ST8SIA1: variants seen among roughly 807,000 people sequenced by gnomAD.
The protein encoded by ST8SIA1 is alpha-N-acetylneuraminide alpha-2,8-sialyltransferase.
Under a neutral mutation model 35.9 loss-of-function variants are expected in ST8SIA1, and 16 were observed. That is an observed-to-expected ratio of 0.45 (90% CI 0.30 to 0.68). The LOEUF (loss-of-function observed/expected upper bound fraction) is 0.68, where lower values mean the gene tolerates loss of function less well. ST8SIA1 is among the 30% of genes least tolerant of loss of function. The pLI is 0.09. For synonymous variants in ST8SIA1, 170 were observed against 169.6 expected (o/e 1.00, Z -0.02); for missense variants, 383 against 453.6 (o/e 0.84, Z 1.41).
intron 4 of ST8SIA1, among the ~76,000 whole-genome samples, chr12:22,236,446 G>A (rs1023172151): frequency 6.6e-6 from 1 of 152,182 alleles, no homozygotes; most frequent in Non-Finnish European, 1.5e-5. Context: ...TTCTTTCACT[G>A]AAATTGCAAC....
At chr12:22,231,781 G>A (rs1295249809) in intron 4 of ST8SIA1, among the ~76,000 whole-genome samples, 1 of 152,048 alleles carries the variant, frequency 6.6e-6, no homozygotes, top group Admixed American at 6.6e-5. Flanking sequence ...CACCGTGTTA[G>A]CCAGGATGGT....
At chr12:22,213,095 G>A (rs546840746) in intron 4 of ST8SIA1, among the ~76,000 whole-genome samples, 1 of 152,126 alleles carries the variant, frequency 6.6e-6, no homozygotes, top group South Asian at 2.1e-4. Flanking sequence ...ACCCACCCCT[G>A]CCAGCCAGAA....
At chr12:22,233,096 T>C (rs77576923) in intron 4 of ST8SIA1, among the ~76,000 whole-genome samples, 77 of 152,210 alleles carry the variant, frequency 5.1e-4, no homozygotes, top group African/African-American at 1.8e-3. Context: ...GCACAATGAA[T>C]GAAATTAAGC....
At chr12:22,252,681 G>C (rs532923795) in intron 3 of ST8SIA1, among the ~76,000 whole-genome samples, 3 of 152,238 alleles carry the variant, frequency 2.0e-5, no homozygotes, top group African/African-American at 7.2e-5. Context: ...CATTAATTCT[G>C]AACTTGACTA....
At chr12:22,233,986 G>A (rs888601837) in intron 4 of ST8SIA1, among the ~76,000 whole-genome samples, 7 of 152,076 alleles carry the variant, frequency 4.6e-5, no homozygotes, top group Admixed American at 4.6e-4. Context: ...TTGGCTGGGT[G>A]CAGTGGCTCA....
At chr12:22,243,988 C>T (rs1865570587) in intron 4 of ST8SIA1, among the ~76,000 whole-genome samples, 1 of 151,950 alleles carries the variant, frequency 6.6e-6, no homozygotes. Flanking sequence ...CAAGATCGCA[C>T]CACTGTACTC....
intron 1 of ST8SIA1, among the ~76,000 whole-genome samples, chr12:22,304,334 C>CTTTTT (rs3063802): frequency 3.0e-4 from 32 of 106,226 alleles, no homozygotes; most frequent in Middle Eastern, 5.4e-3. Flanking sequence ...TTTTCTTTTT[C>CTTTTT]TTTTTTTTTT....
chr12:22,277,014 GTATGT>G (rs1865977200), intron 2 of ST8SIA1, among the ~76,000 whole-genome samples: 1 of 152,182 alleles, frequency 6.6e-6, no homozygotes, highest in Non-Finnish European at 1.5e-5. Flanking sequence ...ATCTTAGTAA[GTATGT>G]TATATCTCAG....
intron 1 of ST8SIA1, among the ~76,000 whole-genome samples, chr12:22,320,951 AAGAAAGAG>A (rs1565595813): frequency 5.1e-5 from 4 of 79,116 alleles, no homozygotes; most frequent in Admixed American, 1.3e-4. Context: ...GAAAGAAAGA[AAGAAAGAG>A]AAAGAAAGAA....
rs142951083 is a variant in ST8SIA1 at position 22,312,594 on chromosome 12, G to A, written c.236+21403C>T. Among the ~76,000 whole-genome samples, 3 of 152,060 alleles carry A rather than the reference G, an allele frequency of 2.0e-5. No homozygotes were observed. The East Asian group carries it at 5.8e-4, about 29-fold the overall frequency. On this transcript the variant is annotated intron_variant, in intron 1 of 4. Transcript: ENST00000396037. ...TGCATCATTAGTGTTATGGGGACTT[G>A]GCTACGATTTTCAATTGCTATTGCT...
chr12:22,219,246 T>C (rs980589766), intron 4 of ST8SIA1, among the ~76,000 whole-genome samples: 4 of 152,212 alleles, frequency 2.6e-5, no homozygotes, highest in Admixed American at 2.6e-4. Flanking sequence ...TAAATTACAC[T>C]GTGTTTTAAT....
At chr12:22,239,747 T>G (rs1002644641) in intron 4 of ST8SIA1, among the ~76,000 whole-genome samples, 6 of 152,218 alleles carry the variant, frequency 3.9e-5, no homozygotes, top group African/African-American at 1.4e-4. Flanking sequence ...GAACATAGTA[T>G]GTGAGAATTC....
At chr12:22,221,835 T>G (rs1014898630) in intron 4 of ST8SIA1, among the ~76,000 whole-genome samples, 2 of 152,242 alleles carry the variant, frequency 1.3e-5, no homozygotes, top group Non-Finnish European at 2.9e-5. Context: ...CATTTCTAAG[T>G]GTCCTCAGTT....
intron 4 of ST8SIA1, among the ~76,000 whole-genome samples, chr12:22,212,246 C>A (rs1865183697): frequency 6.6e-6 from 1 of 152,126 alleles, no homozygotes; most frequent in African/African-American, 2.4e-5. Context: ...TTAATTTGAA[C>A]ACTTCCTTTA....
rs1442518567 is a variant in ST8SIA1, at chr12:22,198,718, C to A, written c.*2834G>T. The A allele has an allele frequency of 6.6e-6, 1 of 152,102 alleles. No individual in the cohort carries two copies. Among genetic ancestry groups the A allele is most frequent in the Non-Finnish European group, 1.5e-5 (1 of 68,020 alleles). The allele number at this position is 152,102 out of a possible 1,614,324, so 9.4% of individuals were successfully genotyped here. ...ATCTTTAAGTGAAGACAAGGTGGAA[C>A]AATCAAAATTTCATTTTGGTCTAAT... On this transcript the variant is annotated 3_prime_UTR_variant, in exon 5 of 5. Transcript: ENST00000396037.
At chr12:22,227,909 T>C (rs1472038526) in intron 4 of ST8SIA1, among the ~76,000 whole-genome samples, 1 of 152,192 alleles carries the variant, frequency 6.6e-6, no homozygotes, top group African/African-American at 2.4e-5. Flanking sequence ...GGTTGTCTGA[T>C]GATGGTTAGG....
At chr12:22,291,265 A>C (rs1866172517) in intron 1 of ST8SIA1, among the ~76,000 whole-genome samples, 1 of 152,204 alleles carries the variant, frequency 6.6e-6, no homozygotes, top group Non-Finnish European at 1.5e-5. Context: ...ATCAGAGTGA[A>C]CCTTGTTATG....
intron 1 of ST8SIA1, among the ~76,000 whole-genome samples, chr12:22,322,087 A>T (rs1203712237): frequency 6.6e-6 from 1 of 152,194 alleles, no homozygotes; most frequent in East Asian, 1.9e-4. Flanking sequence ...CTAGACGGAG[A>T]CCTCTGCCAT....
chr12:22,255,479 T>C lies in ST8SIA1; in HGVS notation c.382-90A>G, dbSNP rs1865719670. ...TTTACAGCAGACCCTTTGGAGGAAT[T>C]TGACTGAAGACTGAGTCCAGCAAAA... On this transcript the variant is annotated intron_variant, in intron 2 of 4. Transcript: ENST00000396037. 6 of 1,131,074 alleles carry C rather than the reference T, an allele frequency of 5.3e-6. No homozygotes were observed. In the Admixed American group the frequency reaches 8.6e-5, roughly 16 times the overall value. 70.1% of individuals were successfully genotyped at this position (1,131,074 alleles called of 1,614,324 possible). A position where few individuals can be genotyped will look rare whatever the true frequency, so the allele number is the denominator to read the frequency against.
Sources: allele counts gnomAD v4.1 joint callset (sites outside exome capture counted in the v4.1 genomes callset), GRCh38; gene constraint gnomAD v4.1.1; transcripts MANE v1.5; gene names NCBI Gene and HGNC (gene_info 2026-07-23, HGNC 2026-07-21).